VPS13B: variants seen among roughly 807,000 people sequenced by gnomAD.
The protein encoded by VPS13B is intermembrane lipid transfer protein VPS13B.
Under a neutral mutation model 426.4 loss-of-function variants are expected in VPS13B, and 285 were observed. The observed-to-expected ratio is 0.67, with a 90% CI of 0.61 to 0.74. The LOEUF (loss-of-function observed/expected upper bound fraction) is 0.74, where lower values mean the gene tolerates loss of function less well. VPS13B is among the 30% of genes least tolerant of loss of function. The pLI, the probability that VPS13B is intolerant of heterozygous loss-of-function variation, is 0.00. For synonymous variants in VPS13B, 1,676 were observed against 1,676.4 expected (o/e 1.00, Z 0.01); for missense variants, 4,537 against 4,782.6 (o/e 0.95, Z 1.51).
At chr8:99,321,822 G>A (rs1057016178) in intron 19 of VPS13B, among the ~76,000 whole-genome samples, 2 of 152,102 alleles carry the variant, frequency 1.3e-5, no homozygotes, top group Non-Finnish European at 2.9e-5. Context: ...AGAACATTAT[G>A]ATTTAAACGT....
chr8:99,573,173 G>A (rs191868548), intron 31 of VPS13B, among the ~76,000 whole-genome samples: 1 of 151,990 alleles, frequency 6.6e-6, no homozygotes, highest in Non-Finnish European at 1.5e-5. Flanking sequence ...AAATTTGTTT[G>A]AGTTCTTTGT....
At chr8:99,444,123 G>T (rs1400182822) in intron 23 of VPS13B, among the ~76,000 whole-genome samples, 8 of 150,800 alleles carry the variant, frequency 5.3e-5, no homozygotes, top group Admixed American at 3.3e-4. Flanking sequence ...TTTTGAGATG[G>T]AGTCTTGCTC....
At chr8:99,422,881 T>C (rs1327099179) in intron 21 of VPS13B, among the ~76,000 whole-genome samples, 1 of 152,202 alleles carries the variant, frequency 6.6e-6, no homozygotes, top group Non-Finnish European at 1.5e-5. Flanking sequence ...GGAAGATAAA[T>C]ACGTATTCAA....
At chr8:99,333,672 T>A (rs897288403) in intron 19 of VPS13B, among the ~76,000 whole-genome samples, 1 of 151,864 alleles carries the variant, frequency 6.6e-6, no homozygotes, top group African/African-American at 2.4e-5. Flanking sequence ...TGCTTCCTCC[T>A]CACCATCCAC....
chr8:99,812,261 G>A (rs756004575), intron 44 of VPS13B, among the ~76,000 whole-genome samples: 4 of 152,008 alleles, frequency 2.6e-5, no homozygotes, highest in Non-Finnish European at 4.4e-5. Context: ...GTAGTTTAGC[G>A]TTCAGATTTG....
At chr8:99,269,781 A>G (rs777200708) in intron 17 of VPS13B, among the ~76,000 whole-genome samples, 2 of 152,106 alleles carry the variant, frequency 1.3e-5, no homozygotes, top group South Asian at 2.1e-4. Context: ...CTGCCTTTCT[A>G]TTGCTCACAT....
intron 23 of VPS13B, among the ~76,000 whole-genome samples, chr8:99,465,401 A>C (rs1819060869): frequency 6.6e-6 from 1 of 151,508 alleles, no homozygotes; most frequent in Non-Finnish European, 1.5e-5. Flanking sequence ...TAGTACCTTG[A>C]AAGGTTTTTT....
chr8:99,856,093 C>T (rs1011590320), intron 56 of VPS13B, among the ~76,000 whole-genome samples: 3 of 152,226 alleles, frequency 2.0e-5, no homozygotes, highest in Non-Finnish European at 4.4e-5. Context: ...CACCAAGTAA[C>T]GGGCCCTGCA....
At chr8:99,213,638 C>T (rs1384786853) in intron 17 of VPS13B, among the ~76,000 whole-genome samples, 5 of 152,174 alleles carry the variant, frequency 3.3e-5, no homozygotes, top group Non-Finnish European at 5.9e-5. Context: ...CAGGACTAAT[C>T]CTGTCTATGA....
intron 39 of VPS13B, among the ~76,000 whole-genome samples, chr8:99,759,958 T>C (rs1810844548): frequency 6.6e-6 from 1 of 152,030 alleles, no homozygotes; most frequent in African/African-American, 2.4e-5. Flanking sequence ...TTTCTTTTTC[T>C]TTTCTTTTCT....
intron 33 of VPS13B, among the ~76,000 whole-genome samples, chr8:99,613,212 T>C (rs1451003576): frequency 6.6e-6 from 1 of 152,232 alleles, no homozygotes; most frequent in Non-Finnish European, 1.5e-5. Context: ...TAGGTCTTTC[T>C]GGAGGGTAGA....
chr8:99,213,579 C>G (rs1815224843), intron 17 of VPS13B, among the ~76,000 whole-genome samples: 1 of 152,072 alleles, frequency 6.6e-6, no homozygotes, highest in Admixed American at 6.6e-5. Context: ...ACATACTTTT[C>G]TCTTCTCTGT....
intron 31 of VPS13B, among the ~76,000 whole-genome samples, chr8:99,559,132 G>C (rs983807757): frequency 1.3e-5 from 2 of 152,120 alleles, no homozygotes; most frequent in Non-Finnish European, 2.9e-5. Context: ...TCTTATTTTG[G>C]TTTTGATTTG....
chr8:99,381,270 G>A (rs3134176), intron 19 of VPS13B, among the ~76,000 whole-genome samples: 25,845 of 152,174 alleles, frequency 0.17, 2,742 homozygotes, highest in East Asian at 0.38. Context: ...ATTCCATTGT[G>A]TATATGTAAC....
Position 99,027,329 on chromosome 8 carries a change from T to A in VPS13B, c.148-11094T>A, listed in dbSNP as rs532116935. Among the ~76,000 whole-genome samples the A allele has an allele frequency of 2.8e-3, 421 of 152,214 alleles. 3 individuals carry two copies. Among genetic ancestry groups the A allele is most frequent in the South Asian group, 6.2e-3 (30 of 4,830 alleles). ...ATTTTGCTAATTGCCTTTTTTTTTT[T>A]AAATATATATCCATTCTTCCTTCCT... On this transcript the variant is annotated intron_variant, in intron 2 of 61. Transcript: ENST00000357162.
At chr8:99,562,465 G>A (rs1824979258) in intron 31 of VPS13B, among the ~76,000 whole-genome samples, 2 of 152,110 alleles carry the variant, frequency 1.3e-5, no homozygotes, top group Non-Finnish European at 2.9e-5. Context: ...ATTTTTAGTA[G>A]AGATGGAGTT....
At chr8:99,656,278 T>TTTCCTACC (rs2129707088) in intron 34 of VPS13B, among the ~76,000 whole-genome samples, 5 of 152,320 alleles carry the variant, frequency 3.3e-5, no homozygotes, top group African/African-American at 1.2e-4. Flanking sequence ...TTCTGACACA[T>TTTCCTACC]TTCCTACCTT....
intron 21 of VPS13B, among the ~76,000 whole-genome samples, chr8:99,405,221 C>T (rs1216650421): frequency 6.6e-6 from 1 of 152,038 alleles, no homozygotes; most frequent in Non-Finnish European, 1.5e-5. Flanking sequence ...CAACTGCCTA[C>T]ACATCTCTAC....
intron 30 of VPS13B, among the ~76,000 whole-genome samples, chr8:99,540,496 T>TGACC: frequency 6.6e-6 from 1 of 152,312 alleles, no homozygotes; most frequent in African/African-American, 2.4e-5. Context: ...GCTAGCTGTT[T>TGACC]GACCTCATTG....
Sources: allele counts gnomAD v4.1 joint callset (sites outside exome capture counted in the v4.1 genomes callset), GRCh38; gene constraint gnomAD v4.1.1; transcripts MANE v1.5; gene names NCBI Gene and HGNC (gene_info 2026-07-23, HGNC 2026-07-21).